NRG3: variants seen among roughly 807,000 people sequenced by gnomAD.
The protein encoded by NRG3 is neuregulin 3, also known as pro-neuregulin-3, membrane-bound isoform.
In NRG3, 31 loss-of-function variants were observed where a neutral mutation model predicts 66.9. The ratio of observed to expected loss-of-function variants is 0.46; its 90% confidence interval spans 0.35 to 0.63. The LOEUF (loss-of-function observed/expected upper bound fraction) is 0.63. Among genes scored for constraint, NRG3 ranks in the 20% least tolerant of loss-of-function variants. The probability of loss-of-function intolerance (pLI) is 0.00; values close to 1 mark genes in which losing one functional copy is unlikely to be tolerated. For synonymous variants in NRG3, 393 were observed against 359.4 expected, an observed-to-expected ratio of 1.09 and a Z score of -1.06; for missense variants, 910 against 878.9, an observed-to-expected ratio of 1.04 and a Z score of -0.45.
At chr10:82,078,551 C>T (rs1303333480) in intron 1 of NRG3, among the ~76,000 whole-genome samples, 5 of 152,234 alleles carry the variant, frequency 3.3e-5, no homozygotes, top group East Asian at 1.9e-4. Flanking sequence ...AGGGTTTCAC[C>T]GTGTTAGCCA....
intron 2 of NRG3, among the ~76,000 whole-genome samples, chr10:82,375,492 G>C (rs1012339571): frequency 1.3e-5 from 2 of 150,656 alleles, no homozygotes; most frequent in East Asian, 2.0e-4. Context: ...AGCTGAGATC[G>C]TGCCACCGCA....
intron 2 of NRG3, among the ~76,000 whole-genome samples, chr10:82,495,685 C>G (rs912311039): frequency 1.3e-5 from 2 of 152,194 alleles, no homozygotes; most frequent in East Asian, 3.9e-4. Flanking sequence ...GTTAAAAGGT[C>G]TTAGCAGAAG....
At chr10:82,950,159 C>T (rs1261237455) in intron 4 of NRG3, among the ~76,000 whole-genome samples, 1 of 152,150 alleles carries the variant, frequency 6.6e-6, no homozygotes, top group African/African-American at 2.4e-5. Context: ...TCCAAGGTGA[C>T]TCCAGTGCAT....
intron 2 of NRG3, among the ~76,000 whole-genome samples, chr10:82,669,439 C>T (rs1462046871): frequency 6.6e-6 from 1 of 152,002 alleles, no homozygotes; most frequent in East Asian, 1.9e-4. Context: ...CCTGGTTCTT[C>T]AGTTCAATTT....
At chr10:82,869,887 C>A (rs534177604) in intron 4 of NRG3, among the ~76,000 whole-genome samples, 1 of 151,622 alleles carries the variant, frequency 6.6e-6, no homozygotes, top group East Asian at 1.9e-4. Flanking sequence ...GGATTACAGG[C>A]GTGAGCCACC....
At chr10:82,218,048 C>A (rs557425630) in intron 1 of NRG3, among the ~76,000 whole-genome samples, 10 of 152,032 alleles carry the variant, frequency 6.6e-5, no homozygotes, top group Non-Finnish European at 1.2e-4. Context: ...ATCTCAAATA[C>A]CCAAAGAAAA....
intron 1 of NRG3, among the ~76,000 whole-genome samples, chr10:81,974,370 A>G (rs2060040747): frequency 1.3e-5 from 2 of 152,222 alleles, no homozygotes; most frequent in African/African-American, 4.8e-5. Context: ...GGATGACACA[A>G]GATTTTTATA....
chr10:82,080,735 T>G (rs2065346156), intron 1 of NRG3, among the ~76,000 whole-genome samples: 1 of 152,186 alleles, frequency 6.6e-6, no homozygotes, highest in Admixed American at 6.5e-5. Context: ...TGTGGTAAAA[T>G]ATATATAACA....
chr10:82,284,519 A>G (rs1310159402), intron 1 of NRG3, among the ~76,000 whole-genome samples: 2 of 152,208 alleles, frequency 1.3e-5, no homozygotes. Flanking sequence ...CATACTAGGC[A>G]TTCAGATAAA....
intron 3 of NRG3, among the ~76,000 whole-genome samples, chr10:82,794,471 G>A (rs1241336762): frequency 1.3e-5 from 2 of 152,214 alleles, no homozygotes; most frequent in Admixed American, 6.5e-5. Flanking sequence ...TTATTCAGCC[G>A]AGCTGTGCAA....
intron 2 of NRG3, among the ~76,000 whole-genome samples, chr10:82,422,316 G>T (rs1343231592): frequency 1.3e-5 from 2 of 152,014 alleles, no homozygotes; most frequent in African/African-American, 2.4e-5. Context: ...TAAAATCTGG[G>T]TTGATCAAAT....
intron 3 of NRG3, among the ~76,000 whole-genome samples, chr10:82,781,538 T>G (rs758031057): frequency 1.5e-4 from 23 of 152,064 alleles, no homozygotes; most frequent in Non-Finnish European, 2.4e-4. Flanking sequence ...AATCCATCAC[T>G]AGTCTGCTTT....
At chr10:82,516,102 G>A (rs746629513) in intron 2 of NRG3, among the ~76,000 whole-genome samples, 3 of 151,998 alleles carry the variant, frequency 2.0e-5, no homozygotes, top group African/African-American at 7.2e-5. Context: ...CTCTTTTGTA[G>A]CAGCATAGAT....
rs143648700 is a variant in NRG3 at position 82,294,701 on chromosome 10, A to T, written c.824-64038A>T. Among the ~76,000 whole-genome samples, 548 of 152,264 alleles carry T rather than the reference A, an allele frequency of 3.6e-3. 3 individuals are homozygous for T. The highest frequency in any genetic ancestry group is 0.014 in the Middle Eastern group (4 of 294). ...GATTTTCTCTCCAAATGAAATATAC[A>T]CACTACCTTGGGTTCTTCTGTGATT... is the stretch of plus-strand genomic sequence containing the variant. On this transcript the variant is annotated intron_variant, in intron 1 of 8. Coordinates refer to ENST00000372141, the MANE Select transcript of NRG3 (RefSeq NM_001010848.4).
chr10:82,879,589 C>T (rs1345447368), intron 4 of NRG3, among the ~76,000 whole-genome samples: 2 of 151,708 alleles, frequency 1.3e-5, no homozygotes, highest in African/African-American at 4.8e-5. Context: ...TCTCCTGCCT[C>T]AGCCTCTGGA....
At chr10:82,856,509 C>T (rs988064860) in intron 3 of NRG3, among the ~76,000 whole-genome samples, 5 of 151,934 alleles carry the variant, frequency 3.3e-5, no homozygotes, top group African/African-American at 1.2e-4. Context: ...CTTTGGGAGG[C>T]CAAGGTGGGC....
At chr10:82,426,314 T>A (rs956840242) in intron 2 of NRG3, among the ~76,000 whole-genome samples, 1 of 152,124 alleles carries the variant, frequency 6.6e-6, no homozygotes, top group Admixed American at 6.6e-5. Flanking sequence ...TAGTCCACGC[T>A]CAGTCTCCAG....
chr10:82,406,982 G>T (rs758472989), intron 2 of NRG3, among the ~76,000 whole-genome samples: 2 of 151,712 alleles, frequency 1.3e-5, no homozygotes, highest in East Asian at 1.9e-4. Context: ...CATATCCAGG[G>T]TGTCTATAAA....
rs576304110 is a variant in NRG3, at chr10:82,570,083, T to C, written c.954-168494T>C. 3.3e-5 allele frequency among the ~76,000 whole-genome samples: 5 copies of C among 151,724 alleles called. No individual in the cohort carries two copies. The South Asian group carries it at 1.0e-3, about 31-fold the overall frequency. ...TGTGTTCTTATTCCATTAATGAGAA[T>C]CTAAGCCAAATCCCCACCCTTTCTT... On this transcript the variant is annotated intron_variant, in intron 2 of 8. Coordinates refer to ENST00000372141, the MANE Select transcript of NRG3 (RefSeq NM_001010848.4).
Sources: gnomAD v4.1 joint callset for allele counts (sites outside exome capture counted in the v4.1 genomes callset) on GRCh38, gnomAD v4.1.1 for gene constraint, MANE v1.5 for transcripts, NCBI Gene and HGNC (gene_info 2026-07-23, HGNC 2026-07-21) for gene names.